Variants in GPHN observed in about 807,000 individuals in gnomAD.
GPHN encodes gephyrin.
GPHN carries 17 observed loss-of-function variants against 95.5 expected under a neutral mutation model. The observed-to-expected ratio is 0.18, with a 90% CI of 0.12 to 0.27. GPHN has a LOEUF of 0.27. Ranked by LOEUF, GPHN falls within the 10% of genes least tolerant of loss-of-function variation. GPHN has a pLI of 1.00. For missense variants in GPHN, 660 were observed against 978.1 expected, an observed-to-expected ratio of 0.67 and a Z score of 4.34; for synonymous variants, 320 against 322.5, an observed-to-expected ratio of 0.99 and a Z score of 0.08.
At chr14:66,868,404 GTTTT>G (rs909009240) in intron 4 of GPHN, among the ~76,000 whole-genome samples, 11 of 152,006 alleles carry the variant, frequency 7.2e-5, no homozygotes, top group African/African-American at 2.7e-4. Flanking sequence ...TTCTTTACGG[GTTTT>G]TTTAAGACAG....
chr14:67,214,726 G>T, the GPHN span, among the ~76,000 whole-genome samples: 1 of 152,030 alleles, frequency 6.6e-6, no homozygotes, highest in Non-Finnish European at 1.5e-5. Context: ...GCTTGATGGG[G>T]ATGGCATTGA....
At chr14:67,204,309 C>T in the GPHN span, among the ~76,000 whole-genome samples, 23 of 152,000 alleles carry the variant, frequency 1.5e-4, no homozygotes, top group Admixed American at 1.5e-3. Context: ...ATTGGTGGTA[C>T]ATATCTGTTG....
chr14:66,775,613 TCATTTC>T (rs1200627797), intron 2 of GPHN, among the ~76,000 whole-genome samples: 2 of 152,210 alleles, frequency 1.3e-5, no homozygotes, highest in African/African-American at 2.4e-5. Flanking sequence ...CTCAACTCAT[TCATTTC>T]CTAGTTCCTT....
At chr14:67,643,040 C>T in the GPHN span, among the ~76,000 whole-genome samples, 1 of 152,026 alleles carries the variant, frequency 6.6e-6, no homozygotes, top group Non-Finnish European at 1.5e-5. Context: ...TGAGCTCAAG[C>T]GATCCTTCTG....
In GPHN at chr14:66,601,942, A is replaced by G. The variant is rs1430957028; in HGVS notation, c.65-79165A>G. On this transcript the variant is annotated intron_variant, in intron 1 of 22. Coordinates refer to ENST00000478722, the MANE Select transcript of GPHN (RefSeq NM_020806.5). ...TTTTAAACCAAATATTCTAACTTCA[A>G]TAGGCATCATAGTGATTATCATTTC... 3.9e-5 allele frequency among the ~76,000 whole-genome samples: 6 copies of G among 152,136 alleles called. No homozygotes were observed. In the East Asian group the frequency reaches 7.7e-4, roughly 20 times the overall value.
chr14:66,586,157 C>T (rs9671677), intron 1 of GPHN, among the ~76,000 whole-genome samples: 49,704 of 151,518 alleles, frequency 0.33, 11,974 homozygotes, highest in African/African-American at 0.66. Context: ...CCTTCTTTGT[C>T]TCTTTTGCTC....
At chr14:67,026,741 C>T (rs983197473) in intron 10 of GPHN, among the ~76,000 whole-genome samples, 2 of 152,176 alleles carry the variant, frequency 1.3e-5, no homozygotes, top group Non-Finnish European at 2.9e-5. Context: ...CTCCCGGGTT[C>T]ACGCCATTCT....
intron 4 of GPHN, among the ~76,000 whole-genome samples, chr14:66,873,013 A>C (rs916552767): frequency 6.6e-6 from 1 of 152,212 alleles, no homozygotes; most frequent in Non-Finnish European, 1.5e-5. Flanking sequence ...GAACAGCTCC[A>C]GTCTGCAACG....
intron 5 of GPHN, among the ~76,000 whole-genome samples, chr14:66,902,500 G>A (rs761721529): frequency 3.3e-5 from 5 of 152,042 alleles, no homozygotes; most frequent in Non-Finnish European, 7.4e-5. Context: ...GTAACTGTGG[G>A]TTTGTCATAT....
chr14:67,374,731 A>G, the GPHN span: 9 of 415,694 alleles, frequency 2.2e-5, no homozygotes, highest in Non-Finnish European at 3.4e-5. Context: ...AACTGCTTTA[A>G]CTTGTTTACA....
intron 4 of GPHN, among the ~76,000 whole-genome samples, chr14:66,860,943 A>G (rs2062998238): frequency 6.6e-6 from 1 of 152,092 alleles, no homozygotes; most frequent in Non-Finnish European, 1.5e-5. Flanking sequence ...TCACTTCCAC[A>G]AAAAGGAATA....
At chr14:66,915,955 G>T in intron 5 of GPHN, 48 bp from the exon 6 acceptor site, 1 of 963,880 alleles carries the variant, frequency 1.0e-6, no homozygotes, top group South Asian at 1.3e-5. Context: ...TATTTAAACC[G>T]GGCATTCATA....
At chr14:67,225,962 TGCGCGCGCGCGC>T in the GPHN span, among the ~76,000 whole-genome samples, 6 of 113,520 alleles carry the variant, frequency 5.3e-5, no homozygotes, top group South Asian at 5.9e-4. Flanking sequence ...TGTGTGTGTG[TGCGCGCGCGCGC>T]GTGCGCATGC....
the GPHN span, among the ~76,000 whole-genome samples, chr14:67,221,386 C>A: frequency 6.6e-6 from 1 of 152,142 alleles, no homozygotes; most frequent in African/African-American, 2.4e-5. Flanking sequence ...CCTATATTCC[C>A]AACATAGTTG....
chr14:66,670,493 T>TGGTTAG (rs1437201504), intron 1 of GPHN, among the ~76,000 whole-genome samples: 1 of 152,126 alleles, frequency 6.6e-6, no homozygotes, highest in Admixed American at 6.5e-5. Context: ...TGTCAAAAAG[T>TGGTTAG]GGTTAGTAAA....
chr14:66,869,715 G>A (rs899952703), intron 4 of GPHN, among the ~76,000 whole-genome samples: 5 of 152,184 alleles, frequency 3.3e-5, no homozygotes, highest in African/African-American at 4.8e-5. Context: ...GAATTGGAAA[G>A]TAGAAGCATA....
At chr14:66,540,624 A>C (rs60433157) in intron 1 of GPHN, among the ~76,000 whole-genome samples, 38,953 of 152,040 alleles carry the variant, frequency 0.26, 9,808 homozygotes, top group African/African-American at 0.62. Context: ...AATAGTCTTG[A>C]CATAAATTAT....
chr14:66,894,654 C>G (rs551597969), intron 5 of GPHN, among the ~76,000 whole-genome samples: 3 of 152,118 alleles, frequency 2.0e-5, no homozygotes, highest in Non-Finnish European at 4.4e-5. Context: ...AGCACTCAAA[C>G]AAATTTGCAA....
chr14:66,853,591 A>C (rs1316556496), intron 4 of GPHN, among the ~76,000 whole-genome samples: 1 of 152,128 alleles, frequency 6.6e-6, no homozygotes, highest in African/African-American at 2.4e-5. Flanking sequence ...AAACCATCAG[A>C]TCTCATGAGA....
Sources: gnomAD v4.1 joint callset for allele counts (sites outside exome capture counted in the v4.1 genomes callset) on GRCh38, gnomAD v4.1.1 for gene constraint, MANE v1.5 for transcripts, NCBI Gene and HGNC (gene_info 2026-07-23, HGNC 2026-07-21) for gene names.